Variants in POFUT3 observed in about 807,000 individuals in gnomAD.
The protein encoded by POFUT3 is GDP-fucose protein O-fucosyltransferase 3.
At chr8:33,430,421 G>C in the POFUT3 span, among the ~76,000 whole-genome samples, 1 of 152,188 alleles carries the variant, frequency 6.6e-6, no homozygotes, top group Non-Finnish European at 1.5e-5. Context: ...GGGACAATTT[G>C]ACTAGGAAGG....
At chr8:33,437,390 A>T in the POFUT3 span, among the ~76,000 whole-genome samples, 3 of 142,390 alleles carry the variant, frequency 2.1e-5, no homozygotes, top group Non-Finnish European at 4.7e-5. Context: ...ATAACAAATT[A>T]AAAAAAAAAA....
At chr8:33,467,945 T>C in the POFUT3 span, among the ~76,000 whole-genome samples, 1 of 152,102 alleles carries the variant, frequency 6.6e-6, no homozygotes, top group Non-Finnish European at 1.5e-5. Flanking sequence ...TTTCCGAACC[T>C]GGTAGTTTGT....
At chr8:33,396,092 T>C in the POFUT3 span, among the ~76,000 whole-genome samples, 1 of 152,058 alleles carries the variant, frequency 6.6e-6, no homozygotes, top group African/African-American at 2.4e-5. Context: ...ACAGTGGTGA[T>C]AGCGATAGTA....
chr8:33,377,187 G>A, the POFUT3 span, among the ~76,000 whole-genome samples: 7 of 150,444 alleles, frequency 4.7e-5, no homozygotes, highest in Admixed American at 1.3e-4. Flanking sequence ...AGCTGAGATC[G>A]CACCATTGCA....
the POFUT3 span, among the ~76,000 whole-genome samples, chr8:33,356,118 G>A: frequency 2.0e-5 from 3 of 152,172 alleles, no homozygotes; most frequent in Non-Finnish European, 2.9e-5. Flanking sequence ...TGTGAATAGA[G>A]CCGCAATAAA....
At chr8:33,389,204 A>G in the POFUT3 span, 2 of 1,614,146 alleles carry the variant, frequency 1.2e-6, no homozygotes, top group Non-Finnish European at 1.7e-6. Context: ...AAATTCTGAT[A>G]CAAGAATAGC....
the POFUT3 span, among the ~76,000 whole-genome samples, chr8:33,409,878 C>G: frequency 6.6e-6 from 1 of 152,128 alleles, no homozygotes; most frequent in Non-Finnish European, 1.5e-5. Context: ...GCGCTGCAGC[C>G]TGGGCGACAA....
chr8:33,413,558 T>C, the POFUT3 span, among the ~76,000 whole-genome samples: 1 of 152,278 alleles, frequency 6.6e-6, no homozygotes, highest in East Asian at 1.9e-4. Flanking sequence ...TAACTTGTTA[T>C]AGCAGCCCAA....
chr8:33,360,409 G>A, the POFUT3 span, among the ~76,000 whole-genome samples: 2,264 of 152,066 alleles, frequency 0.015, 33 homozygotes, highest in South Asian at 0.037. Flanking sequence ...TGGTGCCACC[G>A]CGCTCCAGCC....
At chr8:33,468,308 C>T in the POFUT3 span, among the ~76,000 whole-genome samples, 2 of 151,850 alleles carry the variant, frequency 1.3e-5, no homozygotes, top group South Asian at 2.1e-4. Flanking sequence ...CTCCTCCTCC[C>T]TCTCCCTAGT....
chr8:33,416,857 A>C, the POFUT3 span, among the ~76,000 whole-genome samples: 1 of 151,808 alleles, frequency 6.6e-6, no homozygotes, highest in Non-Finnish European at 1.5e-5. Flanking sequence ...AAAAGAAAGA[A>C]AGAAAAGAAA....
chr8:33,466,498 A>G, the POFUT3 span, among the ~76,000 whole-genome samples: 1 of 151,768 alleles, frequency 6.6e-6, no homozygotes, highest in African/African-American at 2.4e-5. Flanking sequence ...GAGAGAGAAA[A>G]GAAGGGCAGG....
chr8:33,372,371 T>A, the POFUT3 span: 1 of 1,346,846 alleles, frequency 7.4e-7, no homozygotes. Context: ...AAGAAATATT[T>A]CCTTTTTTAG....
the POFUT3 span, among the ~76,000 whole-genome samples, chr8:33,342,192 T>C: frequency 6.6e-6 from 1 of 151,172 alleles, no homozygotes; most frequent in African/African-American, 2.4e-5. Context: ...CAAAAAAAAA[T>C]TAAAAAATTA....
chr8:33,357,130 G>T, the POFUT3 span, among the ~76,000 whole-genome samples: 3 of 152,200 alleles, frequency 2.0e-5, no homozygotes, highest in East Asian at 1.9e-4. Context: ...TGTTCTTTTG[G>T]CTTAGGATTG....
At chr8:33,378,775 T>G in the POFUT3 span, among the ~76,000 whole-genome samples, 1 of 152,150 alleles carries the variant, frequency 6.6e-6, no homozygotes, top group Non-Finnish European at 1.5e-5. Flanking sequence ...GCAATAGCAG[T>G]GCTTAGTCAC....
At chr8:33,328,244 A>C in the POFUT3 span, among the ~76,000 whole-genome samples, 1 of 152,204 alleles carries the variant, frequency 6.6e-6, no homozygotes, top group Non-Finnish European at 1.5e-5. Context: ...ACTCAGGGTC[A>C]ATAAAAGATT....
At chr8:33,354,146 A>G in the POFUT3 span, among the ~76,000 whole-genome samples, 1 of 152,190 alleles carries the variant, frequency 6.6e-6, no homozygotes, top group Non-Finnish European at 1.5e-5. Context: ...TTGGTGTTTC[A>G]AAAGATAGGC....
chr8:33,468,491 G>GT, the POFUT3 span, among the ~76,000 whole-genome samples: 4 of 152,130 alleles, frequency 2.6e-5, no homozygotes, highest in East Asian at 7.7e-4. Flanking sequence ...AAAGTGCAAT[G>GT]TATCAAATAG....
Sources: allele counts gnomAD v4.1 joint callset (sites outside exome capture counted in the v4.1 genomes callset), GRCh38; gene constraint gnomAD v4.1.1; transcripts MANE v1.5; gene names NCBI Gene and HGNC (gene_info 2026-07-23, HGNC 2026-07-21).